Variants in GRIP1 observed in about 807,000 individuals in gnomAD.
GRIP1 encodes the protein glutamate receptor-interacting protein 1.
In GRIP1, 45 loss-of-function variants were observed where a neutral mutation model predicts 129.9. The ratio of observed to expected loss-of-function variants is 0.35; its 90% CI spans 0.27 to 0.44. The LOEUF (loss-of-function observed/expected upper bound fraction) is 0.44. Among genes scored for constraint, GRIP1 ranks in the 20% least tolerant of loss-of-function variants. The pLI, the probability that GRIP1 is intolerant of heterozygous loss-of-function variation, is 1.00. For missense variants in GRIP1, 1,196 were observed against 1,396.8 expected, an observed-to-expected ratio of 0.86 and a Z score of 2.29; for synonymous variants, 530 against 520.8, an observed-to-expected ratio of 1.02 and a Z score of -0.24.
chr12:66,994,246 C>T (rs2042434860), intron 1 of GRIP1, among the ~76,000 whole-genome samples: 1 of 149,562 alleles, frequency 6.7e-6, no homozygotes, highest in Non-Finnish European at 1.5e-5. Flanking sequence ...AACTCTGTAA[C>T]AAAACACTAG....
chr12:66,370,881 C>A (rs565664738), intron 23 of GRIP1, among the ~76,000 whole-genome samples: 2 of 152,260 alleles, frequency 1.3e-5, no homozygotes, highest in African/African-American at 2.4e-5. Flanking sequence ...AGAGACAGAA[C>A]ATAGCCAGGG....
chr12:66,729,602 C>T (rs2036366172), intron 1 of GRIP1, among the ~76,000 whole-genome samples: 1 of 152,096 alleles, frequency 6.6e-6, no homozygotes, highest in Non-Finnish European at 1.5e-5. Context: ...GAGACGGAGT[C>T]TTGCTCTGTT....
intron 1 of GRIP1, among the ~76,000 whole-genome samples, chr12:67,008,567 G>A (rs2042660797): frequency 6.6e-6 from 1 of 152,178 alleles, no homozygotes; most frequent in African/African-American, 2.4e-5. Context: ...TCTGGAATTA[G>A]AGAGGATGGG....
chr12:66,684,193 C>A lies in GRIP1; in HGVS notation c.-419-53857G>T, dbSNP rs577298649. 5.9e-5 allele frequency among the ~76,000 whole-genome samples: 9 copies of A among 152,262 alleles called. No homozygotes were observed. The South Asian group carries it at 1.9e-3, about 32-fold the overall frequency. ...ATACAATTGTACAATTTGACACTTG[C>A]TTACAGAACCCAGACTCTTCCTTAA... On this transcript the variant is annotated intron_variant, in intron 1 of 4. Transcript: ENST00000538373.
At chr12:66,533,379 C>T (rs1245530681) in intron 4 of GRIP1, among the ~76,000 whole-genome samples, 1 of 151,822 alleles carries the variant, frequency 6.6e-6, no homozygotes, top group African/African-American at 2.4e-5. Flanking sequence ...GGCGTGGTGG[C>T]TCATGCCTGT....
chr12:66,835,910 C>T lies in GRIP1; in HGVS notation c.58+233140G>A, dbSNP rs566307850. On this transcript the variant is annotated intron_variant, in intron 1 of 1. Coordinates refer to the GRIP1 transcript ENST00000643019. The stretch of plus-strand genomic sequence containing the variant: ...ATCAATTTAGGTTCATCAGTTGTAA[C>T]AAATGTGCCACTCTGGTGGGAAATG... Among the ~76,000 whole-genome samples, 4 of 152,058 alleles carry T rather than the reference C, an allele frequency of 2.6e-5. No homozygotes were observed. The South Asian group carries it at 8.3e-4, about 32-fold the overall frequency.
chr12:66,972,091 T>C (rs930545868), intron 1 of GRIP1, among the ~76,000 whole-genome samples: 4 of 152,170 alleles, frequency 2.6e-5, no homozygotes, highest in African/African-American at 9.7e-5. Context: ...ACAGCTAGCA[T>C]TTGCCATTAA....
chr12:66,392,241 G>T, intron 19 of GRIP1, 67 bp downstream of exon 19: 1 of 928,784 alleles, frequency 1.1e-6, no homozygotes, highest in Non-Finnish European at 1.8e-6. Context: ...TGGAGCAGAG[G>T]ATGAATCTTG....
At chr12:66,354,148 C>G (rs182451285) in intron 23 of GRIP1, among the ~76,000 whole-genome samples, 1 of 152,228 alleles carries the variant, frequency 6.6e-6, no homozygotes, top group African/African-American at 2.4e-5. Flanking sequence ...CTCGGCTTAA[C>G]TCGCTCCCTC....
intron 7 of GRIP1, among the ~76,000 whole-genome samples, chr12:66,484,810 G>A (rs11176224): frequency 1.3e-5 from 2 of 152,112 alleles, no homozygotes; most frequent in Non-Finnish European, 2.9e-5. Context: ...TATTTCAAAA[G>A]AGCCAGAAGA....
chr12:66,979,527 T>G (rs2042213191), intron 1 of GRIP1, among the ~76,000 whole-genome samples: 1 of 152,118 alleles, frequency 6.6e-6, no homozygotes, highest in Non-Finnish European at 1.5e-5. Context: ...GTTTTGTTGT[T>G]GTTGTTATTC....
At chr12:67,045,526 T>G (rs546002567) in intron 1 of GRIP1, among the ~76,000 whole-genome samples, 5 of 152,282 alleles carry the variant, frequency 3.3e-5, no homozygotes, top group African/African-American at 1.2e-4. Flanking sequence ...TCCATTTAGT[T>G]CATGGATGGG....
At chr12:66,496,463 G>T (rs1381233197) in intron 7 of GRIP1, among the ~76,000 whole-genome samples, 1 of 152,188 alleles carries the variant, frequency 6.6e-6, no homozygotes, top group African/African-American at 2.4e-5. Context: ...ATCTAAAATA[G>T]GAGGGCTGAA....
chr12:66,876,131 C>T (rs764181598), intron 1 of GRIP1, among the ~76,000 whole-genome samples: 2 of 151,574 alleles, frequency 1.3e-5, no homozygotes, highest in Non-Finnish European at 2.9e-5. Flanking sequence ...TCTGCAAGAG[C>T]GATAATGAGG....
At chr12:66,495,521 A>G (rs2060213892) in intron 7 of GRIP1, among the ~76,000 whole-genome samples, 1 of 152,196 alleles carries the variant, frequency 6.6e-6, no homozygotes, top group Non-Finnish European at 1.5e-5. Flanking sequence ...AAAAATCTAC[A>G]TGTGGAGCAT....
At chr12:66,699,874 T>C (rs2035289946) in intron 1 of GRIP1, among the ~76,000 whole-genome samples, 1 of 151,996 alleles carries the variant, frequency 6.6e-6, no homozygotes, top group Admixed American at 6.6e-5. Context: ...CCCTGTAGAA[T>C]GAAGGGCGGG....
At chr12:66,614,812 C>T (rs2064968386) in intron 1 of GRIP1, among the ~76,000 whole-genome samples, 1 of 152,140 alleles carries the variant, frequency 6.6e-6, no homozygotes, top group Admixed American at 6.5e-5. Flanking sequence ...CCTCCCACTC[C>T]TTCAACGTGT....
chr12:66,372,139 T>A (rs2055540139), intron 22 of GRIP1: 1 of 607,824 alleles, frequency 1.6e-6, no homozygotes, highest in African/African-American at 1.8e-5. Flanking sequence ...CAAATCCAAT[T>A]TAAGTACTTA....
intron 24 of GRIP1, among the ~76,000 whole-genome samples, chr12:66,349,522 A>G (rs2054126509): frequency 6.6e-6 from 1 of 152,202 alleles, no homozygotes; most frequent in African/African-American, 2.4e-5. Context: ...GGGTGCTGCA[A>G]GTGCTGAATA....
Sources: allele counts gnomAD v4.1 joint callset (sites outside exome capture counted in the v4.1 genomes callset), GRCh38; gene constraint gnomAD v4.1.1; transcripts MANE v1.5; gene names NCBI Gene and HGNC (gene_info 2026-07-23, HGNC 2026-07-21).